PKHD1: variants seen among roughly 807,000 people sequenced by gnomAD.
PKHD1 encodes PKHD1 ciliary IPT domain containing fibrocystin/polyductin, also known as fibrocystin.
In PKHD1, 291 loss-of-function variants were observed where a neutral mutation model predicts 412.0. That is an observed-to-expected ratio of 0.71 (90% CI 0.64 to 0.78). The LOEUF (loss-of-function observed/expected upper bound fraction) is 0.78. Ranked by LOEUF, PKHD1 falls within the 30% of genes least tolerant of loss-of-function variation. The pLI is 0.00. For synonymous variants in PKHD1, 1,777 were observed against 1,821.5 expected, an observed-to-expected ratio of 0.98 and a Z score of 0.62; for missense variants, 4,825 against 4,950.7, an observed-to-expected ratio of 0.97 and a Z score of 0.76.
chr6:52,000,455 T>A (rs1392226475), intron 35 of PKHD1, among the ~76,000 whole-genome samples: 2 of 152,186 alleles, frequency 1.3e-5, no homozygotes, highest in Non-Finnish European at 2.9e-5. Context: ...AAAAATCCCA[T>A]GACATATGGT....
chr6:51,911,729 G>T (rs1218282775), intron 39 of PKHD1, 70 bp downstream of exon 39: 14 of 1,324,132 alleles, frequency 1.1e-5, no homozygotes, highest in Non-Finnish European at 1.5e-5. Flanking sequence ...CCACAGCAAT[G>T]CCATCTATCA....
intron 53 of PKHD1, among the ~76,000 whole-genome samples, chr6:51,778,660 T>C (rs1791463815): frequency 6.6e-6 from 1 of 152,124 alleles, no homozygotes; most frequent in Non-Finnish European, 1.5e-5. Context: ...AAGATAATCA[T>C]TATAATTATT....
At position 52,043,640 on chromosome 6, in the gene PKHD1, C is replaced by T; in HGVS notation, c.2806G>A (p.Val936Met). The T allele has an allele frequency of 1.2e-6, 2 of 1,610,770 alleles. No individual in the cohort carries two copies. Among genetic ancestry groups the T allele is most frequent in the South Asian group, 2.2e-5 (2 of 91,016 alleles). The part of the protein sequence containing the change: ...LQGSTPCVHS[V>M]WYSIDGDINL... Reference sequence around the variant, plus strand: ...CAAATCATACCAATGGAGTACCACACAGAATGGACACAGGGAGTTGACCCT... The same window carrying T: ...CAAATCATACCAATGGAGTACCACATAGAATGGACACAGGGAGTTGACCCT... Residue 936 changes from valine (V) to methionine (M), a missense_variant, in exon 26 of 67, where the codon GTG becomes ATG. Physicochemically the swap from Val to Met is conservative, Grantham distance 21. Transcript: ENST00000371117.
chr6:51,631,308 C>T (rs945436850), intron 65 of PKHD1, among the ~76,000 whole-genome samples: 10 of 152,130 alleles, frequency 6.6e-5, no homozygotes, highest in Admixed American at 4.6e-4. Context: ...TAAGGCAGAA[C>T]GAGGTCAAGA....
intron 53 of PKHD1, among the ~76,000 whole-genome samples, chr6:51,776,202 T>C (rs138098111): frequency 2.6e-3 from 399 of 152,160 alleles, no homozygotes; most frequent in Non-Finnish European, 4.3e-3. Context: ...TCATATGACT[T>C]GCTTTGACCA....
At chr6:51,816,348 G>T (rs1765461997) in intron 52 of PKHD1, among the ~76,000 whole-genome samples, 2 of 152,174 alleles carry the variant, frequency 1.3e-5, no homozygotes, top group African/African-American at 4.8e-5. Context: ...ATGCCTCTGT[G>T]CTCTGTGCAA....
intron 55 of PKHD1, among the ~76,000 whole-genome samples, chr6:51,759,653 G>A (rs1023960391): frequency 2.0e-4 from 30 of 151,050 alleles, no homozygotes; most frequent in African/African-American, 6.7e-4. Context: ...TTGTACTTTC[G>A]ACTTAAAGAG....
chr6:52,083,539 C>A (rs567208663), intron 2 of PKHD1, among the ~76,000 whole-genome samples: 1 of 152,178 alleles, frequency 6.6e-6, no homozygotes, highest in East Asian at 1.9e-4. Flanking sequence ...ATTCAAAAAC[C>A]CTGCACTCAT....
chr6:51,656,989 C>G (rs1008430309), intron 61 of PKHD1, among the ~76,000 whole-genome samples: 26 of 151,896 alleles, frequency 1.7e-4, no homozygotes, highest in Admixed American at 1.6e-3. Context: ...AGCTAGTACT[C>G]TCTTAGAAAA....
intron 60 of PKHD1, chr6:51,721,361 A>G (rs986735453): frequency 3.9e-6 from 2 of 506,608 alleles, no homozygotes; most frequent in African/African-American, 4.2e-5. Flanking sequence ...TTGATAATAT[A>G]CCTATATTAT....
chr6:52,078,658 T>C (rs753671739), intron 5 of PKHD1, among the ~76,000 whole-genome samples: 1 of 152,196 alleles, frequency 6.6e-6, no homozygotes, highest in African/African-American at 2.4e-5. Flanking sequence ...TTTTCTTTCA[T>C]GTGCAATTTT....
chr6:51,652,188 A>T (rs1348910658), intron 61 of PKHD1, among the ~76,000 whole-genome samples: 2 of 151,548 alleles, frequency 1.3e-5, no homozygotes, highest in Non-Finnish European at 2.9e-5. Context: ...TATGTGAGAG[A>T]TTTTTTTTTC....
chr6:51,940,153 G>T (rs1323379934), intron 36 of PKHD1, among the ~76,000 whole-genome samples: 1 of 151,480 alleles, frequency 6.6e-6, no homozygotes, highest in African/African-American at 2.4e-5. Flanking sequence ...GACCCTAAAA[G>T]GTCAAAAGGC....
chr6:51,635,182 A>T (rs1291592194), intron 64 of PKHD1, among the ~76,000 whole-genome samples: 1 of 152,106 alleles, frequency 6.6e-6, no homozygotes, highest in Non-Finnish European at 1.5e-5. Flanking sequence ...CTTCAGTCTC[A>T]GCCTCCCAGA....
At chr6:51,920,807 A>G (rs1193590049) in intron 37 of PKHD1, among the ~76,000 whole-genome samples, 1 of 152,038 alleles carries the variant, frequency 6.6e-6, no homozygotes, top group African/African-American at 2.4e-5. Flanking sequence ...AGATCCTGTT[A>G]TTGGTCTATT....
rs532040355 is a variant in PKHD1, at chr6:52,003,586, A to T, written c.5751+6723T>A. Among the ~76,000 whole-genome samples the T allele has an allele frequency of 1.7e-3, 252 of 152,272 alleles. 1 individual carries two copies. Among genetic ancestry groups the T allele is most frequent in the Non-Finnish European group, 2.8e-3 (193 of 68,028 alleles). On this transcript the variant is annotated intron_variant, in intron 35 of 66. Coordinates refer to ENST00000371117, the MANE Select transcript of PKHD1 (RefSeq NM_138694.4). ...TGTCCTGTGGCCTCAAATGTCACTAAGGACCTCTTTATTGCGGTATGTTTT... is the reference window on the plus strand; with the variant it reads ...TGTCCTGTGGCCTCAAATGTCACTATGGACCTCTTTATTGCGGTATGTTTT...
chr6:51,864,424 G>A (rs1426947584), intron 48 of PKHD1, among the ~76,000 whole-genome samples: 1 of 152,154 alleles, frequency 6.6e-6, no homozygotes, highest in African/African-American at 2.4e-5. Flanking sequence ...AGTAATGGTA[G>A]CCCAGACTGG....
rs141546571 is a variant in PKHD1, at chr6:51,827,037, A to C, written c.8302+3824T>G. The stretch of plus-strand genomic sequence containing the variant: ...GAATTAAAATACACAAAACACCATA[A>C]AATTATATTAGAGGTTCAAAAGTAT... On this transcript the variant is annotated intron_variant, in intron 52 of 66. Coordinates refer to ENST00000371117, the MANE Select transcript of PKHD1 (RefSeq NM_138694.4). 8.9e-4 allele frequency among the ~76,000 whole-genome samples: 136 copies of C among 152,252 alleles called. 1 individual carries two copies. The highest frequency in any genetic ancestry group is 3.2e-3 in the African/African-American group (135 of 41,552).
intron 50 of PKHD1, among the ~76,000 whole-genome samples, chr6:51,838,233 T>C (rs758534295): frequency 2.0e-5 from 3 of 152,234 alleles, no homozygotes; most frequent in Non-Finnish European, 2.9e-5. Flanking sequence ...ATTAGCTTTG[T>C]CTTCAAATTT....
Sources: gnomAD v4.1 joint callset for allele counts (sites outside exome capture counted in the v4.1 genomes callset) on GRCh38, gnomAD v4.1.1 for gene constraint, MANE v1.5 for transcripts, NCBI Gene and HGNC (gene_info 2026-07-23, HGNC 2026-07-21) for gene names.